The following SOCS1 variants were observed in gnomAD, a reference collection of about 807,000 sequenced individuals.
The protein encoded by SOCS1 is suppressor of cytokine signaling 1, also known as JAK binding protein.
In SOCS1, 3 loss-of-function variants were observed where a neutral mutation model predicts 9.7. The ratio of observed to expected loss-of-function variants is 0.31; its 90% CI spans 0.14 to 0.80. SOCS1 has a LOEUF of 0.80. SOCS1 is among the 30% of genes least tolerant of loss of function. The pLI, the probability that SOCS1 is intolerant of heterozygous loss-of-function variation, is 0.61. For synonymous variants in SOCS1, 194 were observed against 150.2 expected, an observed-to-expected ratio of 1.29 and a Z score of -2.13; for missense variants, 368 against 324.7, an observed-to-expected ratio of 1.13 and a Z score of -1.02.
At position 11,254,426 on chromosome 16, in the gene SOCS1, AC is replaced by A. The variant is rs1489948240; in HGVS notation, c.*416del. On this transcript the variant is annotated 3_prime_UTR_variant, in exon 2 of 2. Coordinates refer to ENST00000332029, the MANE Select transcript of SOCS1 (RefSeq NM_003745.2). ...AAACTTATTTTTTTTTAAAAAAAAA[AC>A]TTTCATAATAAAGTTTATTACCTAA... 6 of 232,044 alleles carry A rather than the reference AC, an allele frequency of 2.6e-5. No homozygotes were observed. Among genetic ancestry groups the A allele is most frequent in the Non-Finnish European group, 5.1e-5 (6 of 117,844 alleles). The allele number at this position is 232,044 out of a possible 1,614,324, so 14.4% of individuals were successfully genotyped here.
Position 11,254,985 on chromosome 16 carries a change from G to A in SOCS1, c.494C>T (p.Pro165Leu), listed in dbSNP as rs1167654241. 6.5e-7 allele frequency: 1 copy of A among 1,548,910 alleles called. No individual in the cohort carries two copies. The highest frequency in any genetic ancestry group is 2.0e-5 in the Admixed American group (1 of 50,006). ...CGGCCGCACGCGGCGCTGGCGCAGC[G>A]GGGCCCCCAGCATGCGGCGCGGCGC... ...VAAPRRMLGA[P>L]LRQRRVRPLQ... The change falls in exon 2 of 2, where the codon CCG becomes CTG. Residue 165 changes from proline to leucine, a missense_variant. Physicochemically the swap from Pro to Leu is moderately conservative, Grantham distance 98. Coordinates refer to ENST00000332029, the MANE Select transcript of SOCS1 (RefSeq NM_003745.2).
chr16:11,255,260 G>C lies in SOCS1; in HGVS notation c.219C>G (p.Leu73=), dbSNP rs752192832. ...DYRRITRASA[L]LDACGFYWGP... is the part of the protein sequence containing the mutation. ...CCCAGTAGAATCCGCAGGCGTCCAGGAGCGCGCTGGCGCGCGTGATGCGCC... is the reference window on the plus strand; with the variant it reads ...CCCAGTAGAATCCGCAGGCGTCCAGCAGCGCGCTGGCGCGCGTGATGCGCC... Residue 73 remains leucine, a synonymous_variant, in exon 2 of 2, where the codon CTC becomes CTG. Coordinates refer to ENST00000332029, the MANE Select transcript of SOCS1 (RefSeq NM_003745.2). The C allele has an allele frequency of 1.5e-5, 24 of 1,548,988 alleles. No homozygotes were observed. The highest frequency in any genetic ancestry group is 1.7e-4 in the Middle Eastern group (1 of 5,812).
Position 11,254,844 on chromosome 16 carries a change from C to T in SOCS1, c.635G>A (p.Ter212=). 1 of 1,474,578 alleles carries T rather than the reference C, an allele frequency of 6.8e-7. No individual in the cohort carries two copies. The highest frequency in any genetic ancestry group is 1.4e-5 in the South Asian group (1 of 69,040). The allele number at this position is 1,474,578 out of a possible 1,614,324, so 91.3% of individuals were successfully genotyped here. The change falls in exon 2 of 2, where the codon TGA becomes TAA. Residue 212 remains the stop codon, a stop_retained_variant. Transcript: ENST00000332029. ...TGCGTGCACGGCGGGCGCTGCCGGTCAAATCTGGAAGGGGAAGGAGCTCAG... is the reference window on the plus strand; with the variant it reads ...TGCGTGCACGGCGGGCGCTGCCGGTTAAATCTGGAAGGGGAAGGAGCTCAG... The part of the protein sequence containing the change: ...DYLSSFPFQI[*]
rs1317030463 is a variant in SOCS1 at position 11,254,735 on chromosome 16, C to A, written c.*108G>T. The A allele has an allele frequency of 5.2e-6, 7 of 1,354,920 alleles. 1 individual carries two copies. The African/African-American group carries it at 9.2e-5, about 18-fold the overall frequency. The allele number at this position is 1,354,920 out of a possible 1,614,324, so 83.9% of individuals were successfully genotyped here. On this transcript the variant is annotated 3_prime_UTR_variant, in exon 2 of 2. Coordinates refer to ENST00000332029, the MANE Select transcript of SOCS1 (RefSeq NM_003745.2). ...GAGGCGCCTCGCCCCTACACCCATC[C>A]GCTCCCTCCAACCCAGGCCGGGGAG...
Position 11,255,088 on chromosome 16 carries a change from G to C in SOCS1, c.391C>G (p.Gln131Glu). The C allele has an allele frequency of 6.2e-7, 1 of 1,610,308 alleles. No homozygotes were observed. The highest frequency in any genetic ancestry group is 8.5e-7 in the Non-Finnish European group (1 of 1,178,974). ...SGPTSIRVHF[Q>E]AGRFHLDGSR... is the part of the protein sequence containing the mutation. ...CCATCCAGGTGAAAGCGGCCGGCCT[G>C]AAAGTGCACGCGGATGCTCGTGGGT... Residue 131 changes from glutamine (Q) to glutamate (E), a missense_variant, in exon 2 of 2, where the codon CAG (glutamine) becomes GAG (glutamate). Coordinates refer to ENST00000332029, the MANE Select transcript of SOCS1 (RefSeq NM_003745.2).
chr16:11,255,749 C>T, intron 1 of SOCS1: 3 of 309,404 alleles, frequency 9.7e-6, no homozygotes, highest in Non-Finnish European at 1.8e-5. Flanking sequence ...TCGGTGGAGG[C>T]GGAGTCCGGC....
Position 11,255,085 on chromosome 16 carries a change from C to A in SOCS1, c.394G>T (p.Ala132Ser), listed in dbSNP as rs1462035089. 2 of 1,609,968 alleles carry A rather than the reference C, an allele frequency of 1.2e-6. No individual in the cohort carries two copies. The highest frequency in any genetic ancestry group is 1.7e-6 in the Non-Finnish European group (2 of 1,178,916). The part of the protein sequence containing the change: ...GPTSIRVHFQ[A>S]GRFHLDGSRE... ...CTGCCATCCAGGTGAAAGCGGCCGG[C>A]CTGAAAGTGCACGCGGATGCTCGTG... Residue 132 changes from alanine to serine, a missense_variant, in exon 2 of 2, where the codon GCC becomes TCC. Transcript: ENST00000332029.
In SOCS1 at chr16:11,255,272, G is replaced by C. The variant is rs781413355; in HGVS notation, c.207C>G (p.Arg69=). 3.9e-6 allele frequency: 6 copies of C among 1,538,670 alleles called. No homozygotes were observed. Among genetic ancestry groups the C allele is most frequent in the Non-Finnish European group, 4.4e-6 (5 of 1,148,358 alleles). The part of the protein sequence containing the change: ...RSHADYRRIT[R]ASALLDACGF... The stretch of plus-strand genomic sequence containing the variant: ...CGCAGGCGTCCAGGAGCGCGCTGGC[G>C]CGCGTGATGCGCCGGTAATCGGCGT... Residue 69 remains arginine (R), a synonymous_variant, in exon 2 of 2, where the codon CGC becomes CGG. Transcript: ENST00000332029.
In SOCS1 at chr16:11,255,462, T is replaced by C; in HGVS notation, c.17A>G (p.Gln6Arg). The change falls in exon 2 of 2, where the codon CAG becomes CGG. Residue 6 changes from glutamine to arginine, a missense_variant. Gln to Arg is a conservative substitution (Grantham distance 43, BLOSUM62 1). Coordinates refer to ENST00000332029, the MANE Select transcript of SOCS1 (RefSeq NM_003745.2). Reference sequence around the variant, plus strand: ...GGAGACTGCATTGTCGGCTGCCACCTGGTTGTGTGCTACCATCCTACAGAA... The same window carrying C: ...GGAGACTGCATTGTCGGCTGCCACCCGGTTGTGTGCTACCATCCTACAGAA... MVAHN[Q>R]VAADNAVSTA... 1.5e-6 allele frequency: 2 copies of C among 1,292,012 alleles called. No individual in the cohort carries two copies. Among genetic ancestry groups the C allele is most frequent in the Non-Finnish European group, 9.8e-7 (1 of 1,022,984 alleles). The allele number at this position is 1,292,012 out of a possible 1,614,324, so 80.0% of individuals were successfully genotyped here.
At position 11,255,113 on chromosome 16, in the gene SOCS1, T is replaced by G. The variant is rs747690392; in HGVS notation, c.366A>C (p.Gly122=). The stretch of plus-strand genomic sequence containing the variant: ...GAAAGTGCACGCGGATGCTCGTGGG[T>G]CCCGAGGCCATCTTCACGCTAAGGG... ...FFALSVKMAS[G]PTSIRVHFQA... is the part of the protein sequence containing the mutation. The change falls in exon 2 of 2, where the codon GGA becomes GGC. Residue 122 remains glycine (G), a synonymous_variant. Transcript: ENST00000332029. 2.9e-5 allele frequency: 47 copies of G among 1,609,750 alleles called. No homozygotes were observed. Among genetic ancestry groups the G allele is most frequent in the Non-Finnish European group, 3.5e-5 (41 of 1,179,048 alleles).
Position 11,255,521 on chromosome 16 carries a change from G to A in SOCS1, c.-43C>T. 8.5e-7 allele frequency: 1 copy of A among 1,180,642 alleles called. No individual in the cohort carries two copies. The highest frequency in any genetic ancestry group is 1.1e-6 in the Non-Finnish European group (1 of 936,938). The allele number at this position is 1,180,642 out of a possible 1,614,324, so 73.1% of individuals were successfully genotyped here. ...CCGGAGGGGTGGGCCATAGCGTCCG[G>A]GGGTGCGCTGCGGGAGAGACAAAGA... is the stretch of plus-strand genomic sequence containing the variant. On this transcript the variant is annotated 5_prime_UTR_variant, in exon 2 of 2. Transcript: ENST00000332029.
chr16:11,255,398 G>C lies in SOCS1; in HGVS notation c.81C>G (p.Ser27=). 2 of 1,337,380 alleles carry C rather than the reference G, an allele frequency of 1.5e-6. No homozygotes were observed. The highest frequency in any genetic ancestry group is 8.2e-5 in the Admixed American group (2 of 24,296). The allele number at this position is 1,337,380 out of a possible 1,614,324, so 82.8% of individuals were successfully genotyped here. The change falls in exon 2 of 2, where the codon TCC becomes TCG. Residue 27 remains serine, a synonymous_variant. Transcript: ENST00000332029. Reference sequence around the variant, plus strand: ...GGGCCGCGGGCGAGGAGGAGGAAGAGGAGGAAGGTTCTGGCCGCCGTCGGG... The same window carrying C: ...GGGCCGCGGGCGAGGAGGAGGAAGACGAGGAAGGTTCTGGCCGCCGTCGGG... ...AEPRRRPEPS[S]SSSSSPAAPA...
intron 1 of SOCS1, 29 bp from the exon 2 acceptor site, chr16:11,255,557 G>A: frequency 1.1e-6 from 1 of 896,830 alleles, no homozygotes; most frequent in Admixed American, 4.3e-5. Flanking sequence ...GGTGAGCTGG[G>A]GCGCTGCGGG....
intron 1 of SOCS1, 39 bp from the exon 2 acceptor site, chr16:11,255,567 G>A (rs888132362): frequency 3.2e-5 from 27 of 842,488 alleles, no homozygotes; most frequent in Admixed American, 2.2e-4. Flanking sequence ...GGCGCTGCGG[G>A]GCCGGGCAGG....
At position 11,255,283 on chromosome 16, in the gene SOCS1, G is replaced by A. The variant is rs2069584473; in HGVS notation, c.196C>T (p.Arg66Cys). 1 of 1,533,484 alleles carries A rather than the reference G, an allele frequency of 6.5e-7. No homozygotes were observed. Among genetic ancestry groups the A allele is most frequent in the Non-Finnish European group, 8.7e-7 (1 of 1,145,490 alleles). The allele number at this position is 1,533,484 out of a possible 1,614,324, so 95.0% of individuals were successfully genotyped here. Residue 66 changes from arginine (R) to cysteine (C), a missense_variant, in exon 2 of 2, where the codon CGC (arginine) becomes TGC (cysteine). Transcript: ENST00000332029. ...AGGAGCGCGCTGGCGCGCGTGATGC[G>A]CCGGTAATCGGCGTGCGAACGGAAT... is the stretch of plus-strand genomic sequence containing the variant. The part of the protein sequence containing the change: ...RTFRSHADYR[R>C]ITRASALLDA...
Position 11,255,568 on chromosome 16 carries a change from G to A in SOCS1, c.-50-40C>T, listed in dbSNP as rs2069589871. ...AAGAGGTGAGCTGGGGCGCTGCGGG[G>A]CCGGGCAGGTGTGCGCCGGCCGGAC... On this transcript the variant is annotated intron_variant, in intron 1 of 1. Transcript: ENST00000332029. 9.5e-6 allele frequency: 8 copies of A among 842,382 alleles called. No homozygotes were observed. The South Asian group carries it at 1.7e-4, about 18-fold the overall frequency. 52.2% of individuals were successfully genotyped at this position (842,382 alleles called of 1,614,324 possible).
rs375518583 is a variant in SOCS1 at position 11,254,811 on chromosome 16, G to C, written c.*32C>G. On this transcript the variant is annotated 3_prime_UTR_variant, in exon 2 of 2. Coordinates refer to ENST00000332029, the MANE Select transcript of SOCS1 (RefSeq NM_003745.2). Reference sequence around the variant, plus strand: ...AATAACAAAATAACACGGCATCCCAGTTAATGCTGCGTGCACGGCGGGCGC... The same window carrying C: ...AATAACAAAATAACACGGCATCCCACTTAATGCTGCGTGCACGGCGGGCGC... 277 of 1,460,188 alleles carry C rather than the reference G, an allele frequency of 1.9e-4. No individual in the cohort carries two copies. Among genetic ancestry groups the C allele is most frequent in the Non-Finnish European group, 2.5e-4 (273 of 1,112,712 alleles). 90.5% of individuals were successfully genotyped at this position (1,460,188 alleles called of 1,614,324 possible). A position where few individuals can be genotyped will look rare whatever the true frequency, so the allele number is the denominator to read the frequency against.
rs568950381 is a variant in SOCS1, at chr16:11,256,076, C to T, written c.-51+3G>A. The T allele has an allele frequency of 2.6e-5, 4 of 151,626 alleles. No individual in the cohort carries two copies. The highest frequency in any genetic ancestry group is 4.1e-4 in the South Asian group (2 of 4,882). The allele number at this position is 151,626 out of a possible 1,614,324, so 9.4% of individuals were successfully genotyped here. ...CCGCCTCCTCGCCCAGGGCCCGGCT[C>T]ACCTGGCGGCGGGGCGCGGGACGCC... On this transcript the variant is annotated splice_donor_region_variant and intron_variant, in intron 1 of 1. Coordinates refer to ENST00000332029, the MANE Select transcript of SOCS1 (RefSeq NM_003745.2).
In SOCS1 at chr16:11,254,726, A is replaced by G. The variant is rs1934772709; in HGVS notation, c.*117T>C. ...CGAGGGCGGGAGGCGCCTCGCCCCT[A>G]CACCCATCCGCTCCCTCCAACCCAG... On this transcript the variant is annotated 3_prime_UTR_variant, in exon 2 of 2. Coordinates refer to ENST00000332029, the MANE Select transcript of SOCS1 (RefSeq NM_003745.2). 2 of 1,338,654 alleles carry G rather than the reference A, an allele frequency of 1.5e-6. No individual in the cohort carries two copies. Among genetic ancestry groups the G allele is most frequent in the Admixed American group, 8.0e-5 (2 of 24,856 alleles). 82.9% of individuals were successfully genotyped at this position (1,338,654 alleles called of 1,614,324 possible).
Sources: allele counts gnomAD v4.1 joint callset, GRCh38; gene constraint gnomAD v4.1.1; transcripts MANE v1.5; gene names NCBI Gene and HGNC (gene_info 2026-07-23, HGNC 2026-07-21).